Variants in EFHC2 observed in about 807,000 individuals in gnomAD.
EFHC2 encodes the protein EF-hand domain containing 2.
Under a neutral mutation model 52.7 loss-of-function variants are expected in EFHC2, and 18 were observed. The observed-to-expected ratio is 0.34, with a 90% confidence interval of 0.24 to 0.51. The LOEUF is 0.51. Ranked by LOEUF, EFHC2 falls within the 20% of genes least tolerant of loss-of-function variation. The probability of loss-of-function intolerance (pLI) is 0.97; values close to 1 mark genes in which losing one functional copy is unlikely to be tolerated. For synonymous variants in EFHC2, 203 were observed against 204.1 expected, an observed-to-expected ratio of 0.99 and a Z score of 0.04; for missense variants, 513 against 562.5, an observed-to-expected ratio of 0.91 and a Z score of 0.89.
chrX:44,183,539 A>ATGGC (rs2036851000), intron 11 of EFHC2, among the ~76,000 whole-genome samples: 1 of 112,180 alleles, frequency 8.9e-6, no homozygotes, highest in South Asian at 3.7e-4. Context: ...GGAAGGAGAG[A>ATGGC]TGGCAAAATA....
chrX:44,149,105 G>A (rs2036548922), intron 14 of EFHC2, among the ~76,000 whole-genome samples: 1 of 112,086 alleles, frequency 8.9e-6, no homozygotes, highest in African/African-American at 3.3e-5. Flanking sequence ...ATATGACTCT[G>A]TAGAACCTCC....
chrX:44,260,443 G>A (rs2037529741), intron 4 of EFHC2, among the ~76,000 whole-genome samples: 1 of 110,702 alleles, frequency 9.0e-6, no homozygotes, highest in African/African-American at 3.3e-5. Flanking sequence ...TTGGGCCCAG[G>A]GACTGTTTAA....
intron 2 of EFHC2, among the ~76,000 whole-genome samples, chrX:44,301,638 A>G (rs1214446503): frequency 1.8e-5 from 2 of 111,842 alleles, no homozygotes; most frequent in Non-Finnish European, 3.8e-5. Context: ...TCATCACCAC[A>G]ATCCAGTTTA....
intron 11 of EFHC2, among the ~76,000 whole-genome samples, chrX:44,192,361 A>G (rs1006216660): frequency 9.0e-6 from 1 of 111,625 alleles, no homozygotes; most frequent in Non-Finnish European, 1.9e-5. Context: ...GCCTGAGGTC[A>G]TATCTTTTTG....
intron 11 of EFHC2, among the ~76,000 whole-genome samples, chrX:44,218,050 G>A (rs1259128262): frequency 1.8e-5 from 2 of 111,497 alleles, no homozygotes; most frequent in Non-Finnish European, 3.8e-5. Context: ...CTCAGAAGAA[G>A]AAGGGTCAAG....
Position 44,181,120 on chromosome X carries a change from T to C in EFHC2, c.1752-2556A>G, listed in dbSNP as rs1288339357. Among the ~76,000 whole-genome samples the C allele has an allele frequency of 1.9e-4, 21 of 110,775 alleles. 1 individual carries two copies. The Admixed American group carries it at 2.0e-3, about 11-fold the overall frequency. ...TAAAAAAAGAAAAGTATGGTATTGA[T>C]TGATATTTATTGGTAGGATAGATGT... On this transcript the variant is annotated intron_variant, in intron 11 of 14. Transcript: ENST00000420999.
chrX:44,245,979 AGT>A (rs1400842688), intron 7 of EFHC2, among the ~76,000 whole-genome samples: 2 of 111,517 alleles, frequency 1.8e-5, no homozygotes, highest in African/African-American at 6.5e-5. Context: ...CGTGCTGCAC[AGT>A]GGAGATACCC....
chrX:44,168,645 A>T (rs2036718746), intron 13 of EFHC2, among the ~76,000 whole-genome samples: 1 of 111,802 alleles, frequency 8.9e-6, no homozygotes. Context: ...AATTCAATGA[A>T]AGAAGCTCCA....
At position 44,178,533 on chromosome X, in the gene EFHC2, G is replaced by T; in HGVS notation, c.1783C>A (p.Leu595Ile). The change falls in exon 12 of 15, where the codon CTT becomes ATT. Residue 595 changes from leucine to isoleucine, a missense_variant. By Grantham distance (5) the Leu-to-Ile change is conservative. Transcript: ENST00000420999. ...ATGGTTACAAATTCTTGCTCTGCAA[G>T]GTTTCCAACAGTCAAAGACATCAAT... The part of the protein sequence containing the change: ...DILMSLTVGN[L>I]AEQEFVTIAR... The T allele has an allele frequency of 8.4e-7, 1 of 1,197,093 alleles. No individual in the cohort carries two copies. Among genetic ancestry groups the T allele is most frequent in the Non-Finnish European group, 1.1e-6 (1 of 890,914 alleles).
At chrX:44,192,061 A>AGT (rs3037410) in intron 11 of EFHC2, among the ~76,000 whole-genome samples, 21,443 of 95,069 alleles carry the variant, frequency 0.23, 2,033 homozygotes, top group East Asian at 0.47. Flanking sequence ...CACATATGTA[A>AGT]GTGTGTGTGT....
At chrX:44,248,174 T>C in intron 7 of EFHC2, 98 bp downstream of exon 7, 1 of 743,907 alleles carries the variant, frequency 1.3e-6, no homozygotes, top group South Asian at 3.3e-5. Context: ...GTGGTAGCTA[T>C]TATGAGCCTA....
At chrX:44,151,863 G>A (rs2036573095) in intron 14 of EFHC2, among the ~76,000 whole-genome samples, 1 of 111,585 alleles carries the variant, frequency 9.0e-6, no homozygotes, top group South Asian at 3.7e-4. Context: ...AGGTGTCCAT[G>A]GGACATCAAG....
chrX:44,222,879 G>A (rs2037204459), intron 11 of EFHC2, among the ~76,000 whole-genome samples: 1 of 111,351 alleles, frequency 9.0e-6, no homozygotes, highest in African/African-American at 3.3e-5. Context: ...CACCTCACAT[G>A]CTTATTTTTT....
intron 1 of EFHC2, among the ~76,000 whole-genome samples, chrX:44,340,914 C>T (rs777635349): frequency 2.1e-4 from 24 of 111,854 alleles, no homozygotes; most frequent in Non-Finnish European, 4.5e-4. Flanking sequence ...GCTGAACATA[C>T]GAATACTGTA....
chrX:44,305,920 A>T (rs909902480), intron 2 of EFHC2, among the ~76,000 whole-genome samples: 8 of 111,681 alleles, frequency 7.2e-5, no homozygotes, highest in Non-Finnish European at 1.5e-4. Context: ...GTTGCCGTGG[A>T]CCCCAGGGTT....
chrX:44,156,131 G>A (rs1347699832), intron 14 of EFHC2, among the ~76,000 whole-genome samples: 1 of 111,857 alleles, frequency 8.9e-6, no homozygotes, highest in Non-Finnish European at 1.9e-5. Context: ...GTGGATTTTT[G>A]AGCTTCAGTG....
intron 11 of EFHC2, among the ~76,000 whole-genome samples, chrX:44,212,710 T>G (rs1048279905): frequency 3.6e-5 from 4 of 110,963 alleles, no homozygotes; most frequent in Non-Finnish European, 3.8e-5. Context: ...CTTTTATTTA[T>G]TTTTTTAATT....
chrX:44,277,084 G>A (rs1325786004), intron 2 of EFHC2, among the ~76,000 whole-genome samples: 2 of 109,461 alleles, frequency 1.8e-5, no homozygotes, highest in South Asian at 3.9e-4. Context: ...ACGGTGAAAC[G>A]CTGTCTCTAC....
intron 14 of EFHC2, among the ~76,000 whole-genome samples, chrX:44,152,819 T>G: frequency 9.0e-6 from 1 of 111,641 alleles, no homozygotes. Context: ...CTATTTAACA[T>G]GTCCTCAAAA....
Sources: gnomAD v4.1 joint callset for allele counts (sites outside exome capture counted in the v4.1 genomes callset) on GRCh38, gnomAD v4.1.1 for gene constraint, MANE v1.5 for transcripts, NCBI Gene and HGNC (gene_info 2026-07-23, HGNC 2026-07-21) for gene names.